The following MAEL variants were observed in gnomAD, a reference collection of about 807,000 sequenced individuals.
The protein encoded by MAEL is maelstrom spermatogenic transposon silencer.
Under a neutral mutation model 62.0 loss-of-function variants are expected in MAEL, and 46 were observed. The observed-to-expected ratio is 0.74, with a 90% confidence interval of 0.59 to 0.95. The LOEUF (loss-of-function observed/expected upper bound fraction) is 0.95. Among genes scored for constraint, MAEL ranks in the 40% least tolerant of loss-of-function variants. MAEL has a pLI of 0.00. For synonymous variants in MAEL, 172 were observed against 175.5 expected, an observed-to-expected ratio of 0.98 and a Z score of 0.16; for missense variants, 497 against 526.8, an observed-to-expected ratio of 0.94 and a Z score of 0.55.
intron 5 of MAEL, among the ~76,000 whole-genome samples, chr1:166,994,388 T>C (rs1436439907): frequency 6.6e-6 from 1 of 152,202 alleles, no homozygotes; most frequent in African/African-American, 2.4e-5. Context: ...AGGACTGTTT[T>C]CAGGGACATC....
In MAEL at chr1:166,992,677, T is replaced by C. The variant is rs759460102; in HGVS notation, c.326-9T>C. Reference sequence around the variant, plus strand: ...CATTTATTCATTTTATCTTACAATTTTTTTTTAGCTCTCCTTGGAGGCATT... The same window carrying C: ...CATTTATTCATTTTATCTTACAATTCTTTTTTAGCTCTCCTTGGAGGCATT... On this transcript the variant is annotated splice_polypyrimidine_tract_variant and intron_variant, in intron 3 of 11. Transcript: ENST00000367872. 1 of 1,566,654 alleles carries C rather than the reference T, an allele frequency of 6.4e-7. No individual in the cohort carries two copies. The highest frequency in any genetic ancestry group is 8.6e-7 in the Non-Finnish European group (1 of 1,164,780).
upstream of MAEL, among the ~76,000 whole-genome samples, chr1:166,986,973 T>TGTGTGC (rs1663938940): frequency 6.6e-6 from 1 of 151,880 alleles, no homozygotes; most frequent in Non-Finnish European, 1.5e-5. Context: ...TGTGTGTGTG[T>TGTGTGC]GTGTGTGTTT....
At chr1:166,989,193 T>C, upstream of MAEL, 1 of 962,726 alleles carries the variant, frequency 1.0e-6, no homozygotes, top group Non-Finnish European at 1.5e-6. Flanking sequence ...CTCAGGCTGT[T>C]TGTTCCCCCG....
chr1:167,011,543 G>T (rs961946100), intron 8 of MAEL, among the ~76,000 whole-genome samples: 1 of 152,086 alleles, frequency 6.6e-6, no homozygotes, highest in Non-Finnish European at 1.5e-5. Context: ...TCTTAAAAAA[G>T]AACTCCACTG....
At chr1:166,989,550 G>A (rs1664067863) in intron 1 of MAEL, 66 bp downstream of exon 1, 3 of 1,549,038 alleles carry the variant, frequency 1.9e-6, no homozygotes, top group African/African-American at 2.7e-5. Flanking sequence ...TGAGGCGGGA[G>A]GGCAGAAGGC....
At chr1:166,995,423 G>A (rs1257228875) in intron 5 of MAEL, among the ~76,000 whole-genome samples, 2 of 151,982 alleles carry the variant, frequency 1.3e-5, no homozygotes, top group African/African-American at 2.4e-5. Flanking sequence ...ATTTTTTGTA[G>A]AGCGGGGGTT....
intron 4 of MAEL, 53 bp from the exon 5 acceptor site, chr1:166,993,975 G>A (rs907194203): frequency 5.1e-6 from 7 of 1,382,726 alleles, no homozygotes; most frequent in Non-Finnish European, 7.2e-6. Context: ...TATTACTGTA[G>A]CACTAGAGAA....
chr1:166,989,929 T>TG, intron 2 of MAEL, 100 bp downstream of exon 2: 1 of 966,854 alleles, frequency 1.0e-6, no homozygotes, highest in Non-Finnish European at 1.5e-6. Flanking sequence ...TGGACTGCTT[T>TG]GGGGGTTCGG....
At chr1:166,988,021 G>C (rs12121480), upstream of MAEL, among the ~76,000 whole-genome samples, 2 of 152,124 alleles carry the variant, frequency 1.3e-5, no homozygotes, top group African/African-American at 2.4e-5. Context: ...AAGAATGGTA[G>C]GCTGCATCGT....
intron 1 of MAEL, 61 bp downstream of exon 1, chr1:166,989,545 C>G (rs1664067567): frequency 2.6e-6 from 4 of 1,553,090 alleles, no homozygotes; most frequent in Admixed American, 1.9e-5. Context: ...GAGGGTGAGG[C>G]GGGAGGGCAG....
At chr1:166,993,593 G>A (rs1051727807) in intron 4 of MAEL, among the ~76,000 whole-genome samples, 3 of 152,188 alleles carry the variant, frequency 2.0e-5, no homozygotes, top group African/African-American at 4.8e-5. Flanking sequence ...ACACTTGTGA[G>A]TGTTGCTACT....
At chr1:166,984,727 A>G (rs1663862951), upstream of MAEL, among the ~76,000 whole-genome samples, 1 of 152,150 alleles carries the variant, frequency 6.6e-6, no homozygotes, top group Non-Finnish European at 1.5e-5. Context: ...CTAGTCTTCC[A>G]TCTGTTCTGA....
In MAEL at chr1:166,989,388, T is replaced by C. The variant is rs1202234782; in HGVS notation, c.36T>C (p.Tyr12=). The C allele has an allele frequency of 1.9e-6, 3 of 1,608,432 alleles. No individual in the cohort carries two copies. Among genetic ancestry groups the C allele is most frequent in the South Asian group, 1.1e-5 (1 of 89,632 alleles). The change falls in exon 1 of 12, where the codon TAT becomes TAC. Residue 12 remains tyrosine, a synonymous_variant. Coordinates refer to ENST00000367872, the MANE Select transcript of MAEL (RefSeq NM_032858.3). ...PNRKASRNAY[Y]FFVQEKIPEL... ...GTAAGGCCAGCCGGAATGCTTACTATTTCTTCGTGCAGGAGAAGATCCCCG... is the reference window on the plus strand; with the variant it reads ...GTAAGGCCAGCCGGAATGCTTACTACTTCTTCGTGCAGGAGAAGATCCCCG...
At position 167,016,356 on chromosome 1, in the gene MAEL, A is replaced by G. The variant is rs940315079; in HGVS notation, c.908+72A>G. ...ATTATTCTGTGCCGTTTTGCTTGCT[A>G]TAGCTTTGGCAATCGGGGTAACTCT... On this transcript the variant is annotated intron_variant, in intron 9 of 11. Transcript: ENST00000367872. 1.9e-5 allele frequency: 28 copies of G among 1,450,106 alleles called. No individual in the cohort carries two copies. In the Middle Eastern group the frequency reaches 5.2e-4, roughly 27 times the overall value. 89.8% of individuals were successfully genotyped at this position (1,450,106 alleles called of 1,614,324 possible).
intron 5 of MAEL, among the ~76,000 whole-genome samples, chr1:167,000,586 T>C (rs1211951907): frequency 6.6e-6 from 1 of 152,242 alleles, no homozygotes; most frequent in Non-Finnish European, 1.5e-5. Context: ...TTGAAAGGAT[T>C]GACTTAAATT....
At chr1:167,003,515 T>TA (rs997305077) in intron 5 of MAEL, among the ~76,000 whole-genome samples, 1 of 152,196 alleles carries the variant, frequency 6.6e-6, no homozygotes, top group African/African-American at 2.4e-5. Flanking sequence ...TTAAGATACC[T>TA]GGGGGCCTAG....
At chr1:166,998,384 G>A (rs1285934900) in intron 5 of MAEL, among the ~76,000 whole-genome samples, 1 of 152,080 alleles carries the variant, frequency 6.6e-6, no homozygotes, top group Non-Finnish European at 1.5e-5. Context: ...TGTTACAAAT[G>A]ATATCCCTTG....
intron 5 of MAEL, among the ~76,000 whole-genome samples, chr1:166,998,658 C>A (rs1664529874): frequency 6.6e-6 from 1 of 152,136 alleles, no homozygotes; most frequent in Non-Finnish European, 1.5e-5. Flanking sequence ...GGTGTGTGCT[C>A]TTTATCAGGA....
rs1295162731 is a variant in MAEL at position 167,006,601 on chromosome 1, C to CCATATATATATATA, written c.845+1204_845+1205insCATATATATATATA. 7.4e-4 allele frequency among the ~76,000 whole-genome samples: 73 copies of CCATATATATATATA among 98,074 alleles called. 1 individual carries two copies. The highest frequency in any genetic ancestry group is 1.6e-3 in the African/African-American group (45 of 28,838). The allele number at this position is 98,074 out of a possible 152,430, so 64.3% of individuals were successfully genotyped here. On this transcript the variant is annotated intron_variant, in intron 8 of 11. Coordinates refer to ENST00000367872, the MANE Select transcript of MAEL (RefSeq NM_032858.3). ...CTATTGGAAAGTTACTGGTTTTTTACTATATATATATATATATATATATAT... is the reference window on the plus strand; with the variant it reads ...CTATTGGAAAGTTACTGGTTTTTTACCATATATATATATATATATATATATATATATATATATAT...
Sources: gnomAD v4.1 joint callset for allele counts (sites outside exome capture counted in the v4.1 genomes callset) on GRCh38, gnomAD v4.1.1 for gene constraint, MANE v1.5 for transcripts, NCBI Gene and HGNC (gene_info 2026-07-23, HGNC 2026-07-21) for gene names.